IL1RAPL1: variants seen among roughly 807,000 people sequenced by gnomAD.
IL1RAPL1 encodes interleukin-1 receptor accessory protein-like 1.
A neutral mutation model predicts 48.4 loss-of-function variants in IL1RAPL1; 3 were observed. The observed-to-expected ratio is 0.06, with a 90% CI of 0.03 to 0.16. IL1RAPL1 has a LOEUF of 0.16. Ranked by LOEUF, IL1RAPL1 falls within the 10% of genes least tolerant of loss-of-function variation. IL1RAPL1 has a pLI of 1.00. For missense variants in IL1RAPL1, 349 were observed against 530.6 expected, an observed-to-expected ratio of 0.66 and a Z score of 3.36; for synonymous variants, 185 against 187.7, an observed-to-expected ratio of 0.99 and a Z score of 0.12.
intron 3 of IL1RAPL1, among the ~76,000 whole-genome samples, chrX:29,325,259 G>A (rs748798785): frequency 1.8e-5 from 2 of 112,168 alleles, no homozygotes; most frequent in African/African-American, 3.2e-5. Context: ...TGTGACATTT[G>A]TCACATAGTA....
intron 5 of IL1RAPL1, among the ~76,000 whole-genome samples, chrX:29,501,792 T>C (rs1024605310): frequency 1.4e-5 from 1 of 73,103 alleles, no homozygotes; most frequent in African/African-American, 6.2e-5. Context: ...TTTGCTTATT[T>C]GAGTTTTTTT....
intron 3 of IL1RAPL1, among the ~76,000 whole-genome samples, chrX:29,348,122 C>G (rs1933175660): frequency 8.9e-6 from 1 of 112,355 alleles, no homozygotes. Context: ...GACTACTATA[C>G]TTATAATACA....
intron 2 of IL1RAPL1, among the ~76,000 whole-genome samples, chrX:28,984,685 C>T (rs185575514): frequency 4.0e-4 from 45 of 111,232 alleles, no homozygotes; most frequent in African/African-American, 1.4e-3. Flanking sequence ...GTCTCTTTAT[C>T]CATTATCCCC....
chrX:29,315,440 G>A (rs537214081), intron 3 of IL1RAPL1, among the ~76,000 whole-genome samples: 5 of 111,344 alleles, frequency 4.5e-5, no homozygotes, highest in East Asian at 2.8e-4. Context: ...AATTGCCTCC[G>A]TCTTGCTCAA....
chrX:28,719,439 A>C (rs369644219), intron 1 of IL1RAPL1, among the ~76,000 whole-genome samples: 1 of 111,135 alleles, frequency 9.0e-6, no homozygotes, highest in Non-Finnish European at 1.9e-5. Flanking sequence ...ATAGGTTTCA[A>C]GTGTAGTGTC....
At chrX:28,689,465 G>T (rs188186298) in intron 1 of IL1RAPL1, among the ~76,000 whole-genome samples, 28 of 111,489 alleles carry the variant, frequency 2.5e-4, no homozygotes, top group Non-Finnish European at 4.5e-4. Flanking sequence ...GCTGAACTGT[G>T]AGTCAATTAA....
intron 2 of IL1RAPL1, among the ~76,000 whole-genome samples, chrX:28,917,231 T>G (rs1164392686): frequency 8.9e-6 from 1 of 111,835 alleles, no homozygotes; most frequent in East Asian, 2.8e-4. Flanking sequence ...GTAGTGTTTC[T>G]ACTATATCTT....
At chrX:28,878,009 A>G (rs1252659601) in intron 2 of IL1RAPL1, among the ~76,000 whole-genome samples, 1 of 112,373 alleles carries the variant, frequency 8.9e-6, no homozygotes, top group Non-Finnish European at 1.9e-5. Context: ...ATGAAGCCAC[A>G]TAATGCAGAT....
intron 6 of IL1RAPL1, among the ~76,000 whole-genome samples, chrX:29,761,327 A>T (rs1328789252): frequency 9.0e-6 from 1 of 110,989 alleles, no homozygotes; most frequent in African/African-American, 3.3e-5. Context: ...TTTTTATTAT[A>T]CAGTATATGA....
At chrX:29,458,984 C>A (rs1181596300) in intron 5 of IL1RAPL1, among the ~76,000 whole-genome samples, 2 of 111,994 alleles carry the variant, frequency 1.8e-5, no homozygotes, top group Non-Finnish European at 3.8e-5. Context: ...TGAAAGCAGT[C>A]ACAAATACTA....
intron 2 of IL1RAPL1, among the ~76,000 whole-genome samples, chrX:29,158,897 T>TTTTTC (rs57775273): frequency 0.14 from 12,647 of 91,421 alleles, 1,654 homozygotes; most frequent in African/African-American, 0.34. Context: ...TTTCTTTTCT[T>TTTTTC]TTTTCTTTTC....
chrX:29,125,977 A>G (rs959138557), intron 2 of IL1RAPL1, among the ~76,000 whole-genome samples: 6 of 109,682 alleles, frequency 5.5e-5, no homozygotes, highest in African/African-American at 2.0e-4. Flanking sequence ...ACTGAAATAC[A>G]TCATCTGTAC....
At chrX:28,866,762 G>A (rs1310283911) in intron 2 of IL1RAPL1, among the ~76,000 whole-genome samples, 1 of 111,430 alleles carries the variant, frequency 9.0e-6, no homozygotes, top group African/African-American at 3.3e-5. Flanking sequence ...GCTAGTAATT[G>A]GTAGAGGTGG....
At chrX:28,690,288 G>A (rs1935163638) in intron 1 of IL1RAPL1, among the ~76,000 whole-genome samples, 2 of 111,439 alleles carry the variant, frequency 1.8e-5, no homozygotes, top group African/African-American at 6.5e-5. Context: ...GACCTTCTTC[G>A]CCTAAAGATA....
rs1177900273 is a variant in IL1RAPL1, at chrX:28,688,871, G to C, written c.-24-100449G>C. Among the ~76,000 whole-genome samples the C allele has an allele frequency of 2.7e-5, 3 of 111,258 alleles. No individual in the cohort carries two copies. The East Asian group carries it at 8.5e-4, about 32-fold the overall frequency. On this transcript the variant is annotated intron_variant, in intron 1 of 10. Transcript: ENST00000378993. ...TTCAAACTTTGGATTTTCAGAGGCA[G>C]TATCTCCAGTAATTAGCTGTCTTTA...
chrX:29,698,743 C>T (rs779836186), intron 6 of IL1RAPL1, among the ~76,000 whole-genome samples: 25 of 111,666 alleles, frequency 2.2e-4, no homozygotes, highest in African/African-American at 7.5e-4. Flanking sequence ...TTGTTTGTTT[C>T]GCTTTGTTAT....
intron 2 of IL1RAPL1, among the ~76,000 whole-genome samples, chrX:28,888,395 A>C (rs1459632028): frequency 8.9e-6 from 1 of 112,307 alleles, no homozygotes; most frequent in Non-Finnish European, 1.9e-5. Context: ...TAGCCTTAGC[A>C]GGTAGAAAAA....
rs1438770537 is a variant in IL1RAPL1 at position 28,819,329 on chromosome X, G to A, written c.82+29904G>A. On this transcript the variant is annotated intron_variant, in intron 2 of 10. Transcript: ENST00000378993. ...GTGCATGTTTGTGTGTTGCAGACAA[G>A]ATAATTATATGGAGCAAGCTAATTA... 2.7e-5 allele frequency among the ~76,000 whole-genome samples: 3 copies of A among 111,167 alleles called. No homozygotes were observed. In the Admixed American group the frequency reaches 2.9e-4, roughly 11 times the overall value.
intron 6 of IL1RAPL1, among the ~76,000 whole-genome samples, chrX:29,711,430 G>A (rs752134542): frequency 2.7e-5 from 3 of 110,275 alleles, no homozygotes; most frequent in Non-Finnish European, 5.7e-5. Flanking sequence ...TGATCTGCCT[G>A]CCTGGGCCTT....
Sources: allele counts gnomAD v4.1 joint callset (sites outside exome capture counted in the v4.1 genomes callset), GRCh38; gene constraint gnomAD v4.1.1; transcripts MANE v1.5; gene names NCBI Gene and HGNC (gene_info 2026-07-23, HGNC 2026-07-21).